The following NR6A1 variants were observed in gnomAD, a reference collection of about 807,000 sequenced individuals.
The protein encoded by NR6A1 is retinoic acid receptor-related testis-associated receptor.
NR6A1 carries 7 observed loss-of-function variants against 59.1 expected under a neutral mutation model. The ratio of observed to expected loss-of-function variants is 0.12; its 90% CI spans 0.07 to 0.22. NR6A1 has a LOEUF of 0.22. Ranked by LOEUF, NR6A1 falls within the 10% of genes least tolerant of loss-of-function variation. The pLI, the probability that NR6A1 is intolerant of heterozygous loss-of-function variation, is 1.00. For synonymous variants in NR6A1, 243 were observed against 236.1 expected, an observed-to-expected ratio of 1.03 and a Z score of -0.27; for missense variants, 468 against 611.6, an observed-to-expected ratio of 0.77 and a Z score of 2.48.
chr9:124,706,067 C>A (rs1406204672), intron 2 of NR6A1, among the ~76,000 whole-genome samples: 1 of 152,148 alleles, frequency 6.6e-6, no homozygotes, highest in Non-Finnish European at 1.5e-5. Flanking sequence ...TAAGCCACCA[C>A]GCCAGCCTGA....
intron 2 of NR6A1, among the ~76,000 whole-genome samples, chr9:124,673,394 A>T (rs1837853442): frequency 1.3e-5 from 2 of 152,190 alleles, no homozygotes; most frequent in Non-Finnish European, 2.9e-5. Context: ...AAAGACAAAA[A>T]AACTTCAACA....
At chr9:124,527,962 A>C (rs1199400439) in intron 7 of NR6A1, among the ~76,000 whole-genome samples, 1 of 152,226 alleles carries the variant, frequency 6.6e-6, no homozygotes, top group Non-Finnish European at 1.5e-5. Flanking sequence ...TGGCCTGGCT[A>C]GTGGGCAGTG....
intron 2 of NR6A1, among the ~76,000 whole-genome samples, chr9:124,728,803 T>C (rs935982283): frequency 6.6e-6 from 1 of 152,142 alleles, no homozygotes; most frequent in African/African-American, 2.4e-5. Flanking sequence ...GTTTGCAATT[T>C]TGTATGTTTC....
intron 2 of NR6A1, among the ~76,000 whole-genome samples, chr9:124,691,195 A>G (rs1458288659): frequency 2.0e-5 from 3 of 152,262 alleles, no homozygotes; most frequent in Non-Finnish European, 2.9e-5. Context: ...TATACAATTT[A>G]CTGTCATAAC....
At chr9:124,580,619 A>AG (rs2131457482) in intron 2 of NR6A1, among the ~76,000 whole-genome samples, 1 of 152,288 alleles carries the variant, frequency 6.6e-6, no homozygotes, top group South Asian at 2.1e-4. Flanking sequence ...CAGGGGTTTA[A>AG]GACCAGCTTG....
chr9:124,684,560 TG>T (rs943196291), intron 2 of NR6A1, among the ~76,000 whole-genome samples: 3 of 152,138 alleles, frequency 2.0e-5, no homozygotes, highest in African/African-American at 7.2e-5. Context: ...CAAGCTGAAG[TG>T]GATTAGGAGG....
chr9:124,672,120 G>A (rs1426097833), intron 2 of NR6A1, among the ~76,000 whole-genome samples: 1 of 152,060 alleles, frequency 6.6e-6, no homozygotes, highest in Non-Finnish European at 1.5e-5. Flanking sequence ...ACCATGCTGC[G>A]GCATGTTGTG....
In NR6A1 at chr9:124,666,681, G is replaced by C. The variant is rs530009152; in HGVS notation, c.142+66627C>G. ...ATTCCTTTTGCCTGGCCATTTAAGA[G>C]CTTCTAGGTATAGTTTAATCATTCA... On this transcript the variant is annotated intron_variant, in intron 2 of 9. Coordinates refer to ENST00000487099, the MANE Select transcript of NR6A1 (RefSeq NM_033334.4). 3.3e-5 allele frequency among the ~76,000 whole-genome samples: 5 copies of C among 152,242 alleles called. 1 individual carries two copies. In the South Asian group the frequency reaches 1.0e-3, roughly 32 times the overall value.
At chr9:124,539,917 G>A (rs1440292704) in intron 5 of NR6A1, 116 bp downstream of exon 5, 3 of 1,191,442 alleles carry the variant, frequency 2.5e-6, no homozygotes, top group African/African-American at 1.6e-5. Context: ...GTCTGAGGGA[G>A]CAACAGTACA....
In NR6A1 at chr9:124,727,326, T is replaced by C. The variant is rs536956323; in HGVS notation, c.142+5982A>G. The stretch of plus-strand genomic sequence containing the variant: ...CTCCTTTGGAGAAGAGTGAAATTTG[T>C]TTTTTTGCCATGTGATGAAGACCAC... On this transcript the variant is annotated intron_variant, in intron 2 of 9. Transcript: ENST00000487099. 1.0e-3 allele frequency among the ~76,000 whole-genome samples: 159 copies of C among 152,284 alleles called. 1 individual carries two copies. The highest frequency in any genetic ancestry group is 3.7e-3 in the African/African-American group (155 of 41,558).
intron 2 of NR6A1, among the ~76,000 whole-genome samples, chr9:124,715,543 C>T (rs531527405): frequency 1.3e-5 from 2 of 151,854 alleles, no homozygotes; most frequent in African/African-American, 2.4e-5. Flanking sequence ...CTCTAAAAAA[C>T]AAAATAAAAT....
chr9:124,607,907 T>TA (rs1554732712), intron 2 of NR6A1, among the ~76,000 whole-genome samples: 2 of 151,612 alleles, frequency 1.3e-5, no homozygotes, highest in East Asian at 3.9e-4. Flanking sequence ...AATAAATAAA[T>TA]AAGCAAGCAA....
intron 1 of NR6A1, among the ~76,000 whole-genome samples, chr9:124,769,110 C>T (rs1841027716): frequency 6.6e-6 from 1 of 152,134 alleles, no homozygotes; most frequent in Non-Finnish European, 1.5e-5. Flanking sequence ...ATACTGTCTC[C>T]TTCTACCCTA....
chr9:124,602,670 T>C (rs1355831112), intron 2 of NR6A1, among the ~76,000 whole-genome samples: 1 of 152,214 alleles, frequency 6.6e-6, no homozygotes, highest in African/African-American at 2.4e-5. Context: ...CGTCAGATGA[T>C]ATAGGAAAAG....
intron 1 of NR6A1, among the ~76,000 whole-genome samples, chr9:124,770,601 G>C (rs1404500691): frequency 1.3e-5 from 2 of 149,266 alleles, no homozygotes; most frequent in Non-Finnish European, 3.0e-5. Flanking sequence ...CTGACGGACC[G>C]CGGTGGGGAC....
intron 2 of NR6A1, among the ~76,000 whole-genome samples, chr9:124,721,961 G>A (rs1385726996): frequency 6.6e-6 from 1 of 152,162 alleles, no homozygotes; most frequent in African/African-American, 2.4e-5. Context: ...TCTGTAAGAT[G>A]GGGATTGTAT....
chr9:124,642,112 G>A (rs926298693), intron 2 of NR6A1, among the ~76,000 whole-genome samples: 1 of 151,982 alleles, frequency 6.6e-6, no homozygotes, highest in Non-Finnish European at 1.5e-5. Flanking sequence ...GCAGTGGCGC[G>A]ATCTCAGCTC....
intron 2 of NR6A1, among the ~76,000 whole-genome samples, chr9:124,639,285 A>T (rs1277617207): frequency 6.6e-6 from 1 of 152,208 alleles, no homozygotes; most frequent in East Asian, 1.9e-4. Context: ...GTGTATTTTT[A>T]AAATGGAGAA....
intron 2 of NR6A1, among the ~76,000 whole-genome samples, chr9:124,586,638 G>A (rs1307945330): frequency 6.6e-6 from 1 of 151,936 alleles, no homozygotes; most frequent in African/African-American, 2.4e-5. Context: ...CAGTAGAGAC[G>A]AGGTCTCACT....
Sources: allele counts gnomAD v4.1 joint callset (sites outside exome capture counted in the v4.1 genomes callset), GRCh38; gene constraint gnomAD v4.1.1; transcripts MANE v1.5; gene names NCBI Gene and HGNC (gene_info 2026-07-23, HGNC 2026-07-21).